Variants in GPR137B observed in about 807,000 individuals in gnomAD.
GPR137B encodes the protein integral membrane protein GPR137B.
In GPR137B, 42 loss-of-function variants were observed where a neutral mutation model predicts 42.5. The observed-to-expected ratio is 0.99, with a 90% CI of 0.77 to 1.28. The LOEUF (loss-of-function observed/expected upper bound fraction) is 1.28. Among genes scored for constraint, GPR137B ranks in the 50% most tolerant of loss-of-function variants. The probability of loss-of-function intolerance (pLI) is 0.00; values close to 1 mark genes in which losing one functional copy is unlikely to be tolerated. For missense variants in GPR137B, 487 were observed against 493.9 expected, an observed-to-expected ratio of 0.99 and a Z score of 0.13; for synonymous variants, 218 against 209.7, an observed-to-expected ratio of 1.04 and a Z score of -0.34.
At chr1:236,158,122 A>G (rs139212342) in intron 1 of GPR137B, among the ~76,000 whole-genome samples, 214 of 152,246 alleles carry the variant, frequency 1.4e-3, no homozygotes, top group Non-Finnish European at 2.5e-3. Flanking sequence ...TGTCATTTTT[A>G]TTTATTAAAC....
chr1:236,198,116 TTC>T (rs1374211773), intron 5 of GPR137B, among the ~76,000 whole-genome samples: 1 of 152,218 alleles, frequency 6.6e-6, no homozygotes, highest in African/African-American at 2.4e-5. Flanking sequence ...TCCAGATTTG[TTC>T]TTTTTGCTTA....
intron 4 of GPR137B, among the ~76,000 whole-genome samples, chr1:236,182,910 G>C (rs1662924740): frequency 6.6e-6 from 1 of 152,108 alleles, no homozygotes; most frequent in Non-Finnish European, 1.5e-5. Flanking sequence ...TGACTTACTT[G>C]TGCGGAATCA....
intron 1 of GPR137B, among the ~76,000 whole-genome samples, chr1:236,162,572 A>G (rs1662232007): frequency 6.6e-6 from 1 of 152,188 alleles, no homozygotes; most frequent in Non-Finnish European, 1.5e-5. Context: ...GGCTGGGCCC[A>G]GGGTCCCCAT....
chr1:236,167,624 C>T (rs1023526603), intron 1 of GPR137B, among the ~76,000 whole-genome samples: 1 of 152,170 alleles, frequency 6.6e-6, no homozygotes, highest in Non-Finnish European at 1.5e-5. Flanking sequence ...GTCCTCTCTC[C>T]TCCAGTCTTC....
At position 236,150,671 on chromosome 1, in the gene GPR137B, C is replaced by G. The variant is rs1396944618; in HGVS notation, c.414+7635C>G. On this transcript the variant is annotated intron_variant, in intron 1 of 6. Coordinates refer to ENST00000366592, the MANE Select transcript of GPR137B (RefSeq NM_003272.4). This position sits in a 1 kb window ranked among gnomAD's most constrained non-coding sequence, Gnocchi z 6.2. ...CTGGGCTGAGGCTGCTGCCGGGTCA[C>G]CATCAGGAGCGCCCTACTGTCGGCT... Among the ~76,000 whole-genome samples the G allele has an allele frequency of 6.6e-6, 1 of 152,230 alleles. No homozygotes were observed. The highest frequency in any genetic ancestry group is 2.4e-5 in the African/African-American group (1 of 41,458).
rs1558476218 is a variant in GPR137B at position 236,144,926 on chromosome 1, A to G, written c.414+1890A>G. On this transcript the variant is annotated intron_variant, in intron 1 of 6. Coordinates refer to ENST00000366592, the MANE Select transcript of GPR137B (RefSeq NM_003272.4). The stretch of plus-strand genomic sequence containing the variant: ...AGCCGGATTAGGGGCCGGGCTGCAC[A>G]TTTTCTGCACCATCTGCTGGTTGGT... Among the ~76,000 whole-genome samples, 3 of 152,324 alleles carry G rather than the reference A, an allele frequency of 2.0e-5. No individual in the cohort carries two copies. The South Asian group carries it at 6.2e-4, about 32-fold the overall frequency.
rs1232161672 is a variant in GPR137B, at chr1:236,183,835, T to A, written c.895T>A (p.Phe299Ile). 6.2e-7 allele frequency: 1 copy of A among 1,603,494 alleles called. No individual in the cohort carries two copies. Among genetic ancestry groups the A allele is most frequent in the Non-Finnish European group, 8.5e-7 (1 of 1,170,576 alleles). Residue 299 changes from phenylalanine (F) to isoleucine (I), a missense_variant, in exon 5 of 7, where the codon TTT becomes ATT. Phe to Ile is a conservative substitution (Grantham distance 21, BLOSUM62 0). Transcript: ENST00000366592. ...ATACGTATTATTTGGAGTGGTGTTATTTGTTTGGGAACTCTTACCTACCAC... is the reference window on the plus strand; with the variant it reads ...ATACGTATTATTTGGAGTGGTGTTAATTGTTTGGGAACTCTTACCTACCAC... Reference protein sequence around the residue: ...AGYVLFGVVLFVWELLPTTLV... With the variant: ...AGYVLFGVVLIVWELLPTTLV...
intron 4 of GPR137B, among the ~76,000 whole-genome samples, chr1:236,182,216 C>G (rs1157352785): frequency 6.6e-6 from 1 of 152,122 alleles, no homozygotes; most frequent in Non-Finnish European, 1.5e-5. Flanking sequence ...TTTAAGTGTA[C>G]AGTTCACTGG....
chr1:236,154,522 G>A (rs1453517708), intron 1 of GPR137B, among the ~76,000 whole-genome samples: 1 of 151,542 alleles, frequency 6.6e-6, no homozygotes, highest in Non-Finnish European at 1.5e-5. Context: ...AGCAGACCAA[G>A]TCCCCACCCC....
Position 236,208,280 on chromosome 1 carries a change from T to C in GPR137B, c.*122T>C, listed in dbSNP as rs1312854041. On this transcript the variant is annotated 3_prime_UTR_variant, in exon 7 of 7. Coordinates refer to ENST00000366592, the MANE Select transcript of GPR137B (RefSeq NM_003272.4). ...GAACTTGATTTTTATTTGTTACAGGTTTCCAATGGCCCCATAGGAATAAGC... is the reference window on the plus strand; with the variant it reads ...GAACTTGATTTTTATTTGTTACAGGCTTCCAATGGCCCCATAGGAATAAGC... 3 of 1,469,268 alleles carry C rather than the reference T, an allele frequency of 2.0e-6. No individual in the cohort carries two copies. The highest frequency in any genetic ancestry group is 2.8e-5 in the African/African-American group (2 of 70,384). 91.0% of individuals were successfully genotyped at this position (1,469,268 alleles called of 1,614,324 possible).
rs1197770813 is a variant in GPR137B at position 236,208,480 on chromosome 1, G to A, written c.*322G>A. Reference sequence around the variant, plus strand: ...GTTTTTTTTTCTTGAGAATGTTACTGCAATCATGTTGTAGTTTGCACAGAC... The same window carrying A: ...GTTTTTTTTTCTTGAGAATGTTACTACAATCATGTTGTAGTTTGCACAGAC... On this transcript the variant is annotated 3_prime_UTR_variant, in exon 7 of 7. Transcript: ENST00000366592. 2.3e-6 allele frequency: 2 copies of A among 877,450 alleles called. No homozygotes were observed. Among genetic ancestry groups the A allele is most frequent in the Non-Finnish European group, 2.8e-6 (2 of 713,000 alleles). 54.4% of individuals were successfully genotyped at this position (877,450 alleles called of 1,614,324 possible).
rs1387070067 is a variant in GPR137B, at chr1:236,194,177, A to AT, written c.966+10277dup. On this transcript the variant is annotated intron_variant, in intron 5 of 6. Transcript: ENST00000366592. ...CAACAACTGATACTCTATGGTGTGT[A>AT]TTTTTTATTTGTTTTCAACTTACAA... Among the ~76,000 whole-genome samples the AT allele has an allele frequency of 2.6e-5, 4 of 152,176 alleles. No individual in the cohort carries two copies. The East Asian group carries it at 5.8e-4, about 22-fold the overall frequency.
At chr1:236,178,250 G>T (rs1290619604) in intron 2 of GPR137B, among the ~76,000 whole-genome samples, 164 bp from the exon 3 acceptor site, 1 of 152,124 alleles carries the variant, frequency 6.6e-6, no homozygotes, top group Non-Finnish European at 1.5e-5. Flanking sequence ...GCATAATTTG[G>T]GGTCAGTTTG....
chr1:236,161,168 G>A (rs923215360), intron 1 of GPR137B, among the ~76,000 whole-genome samples: 2 of 152,016 alleles, frequency 1.3e-5, no homozygotes, highest in Non-Finnish European at 2.9e-5. Context: ...GTCAACCCAT[G>A]GTCTGCAGCC....
At chr1:236,207,590 C>G (rs1663700534) in intron 6 of GPR137B, among the ~76,000 whole-genome samples, 2 of 152,164 alleles carry the variant, frequency 1.3e-5, no homozygotes, top group Non-Finnish European at 1.5e-5. Flanking sequence ...TGAGAATTAA[C>G]TATATATTAG....
intron 1 of GPR137B, among the ~76,000 whole-genome samples, chr1:236,168,347 C>T (rs987176176): frequency 1.6e-4 from 24 of 150,102 alleles, no homozygotes; most frequent in Non-Finnish European, 2.5e-4. Context: ...CACTTGAACC[C>T]GGGAGGCAGA....
intron 5 of GPR137B, among the ~76,000 whole-genome samples, chr1:236,184,967 A>G (rs12072256): frequency 0.081 from 12,367 of 151,948 alleles, 1,449 homozygotes; most frequent in African/African-American, 0.26. Flanking sequence ...GGGTTTTACT[A>G]TGTTGGCCAG....
intron 5 of GPR137B, among the ~76,000 whole-genome samples, chr1:236,192,713 T>C (rs1033500675): frequency 1.3e-5 from 2 of 152,122 alleles, no homozygotes; most frequent in South Asian, 2.1e-4. Flanking sequence ...GGTACCTCAG[T>C]TGGAAATGCA....
chr1:236,203,061 G>A (rs1663542300), intron 5 of GPR137B, among the ~76,000 whole-genome samples: 1 of 151,836 alleles, frequency 6.6e-6, no homozygotes, highest in Admixed American at 6.6e-5. Flanking sequence ...ATTGGTCTAT[G>A]TGTCTGTTTC....
Sources: gnomAD v4.1 joint callset for allele counts (sites outside exome capture counted in the v4.1 genomes callset) on GRCh38, gnomAD v4.1.1 for gene constraint, Gnocchi (gnomAD v3.1) non-coding constraint, MANE v1.5 for transcripts, NCBI Gene and HGNC (gene_info 2026-07-23, HGNC 2026-07-21) for gene names.